Variants in SLC41A2 observed in about 807,000 individuals in gnomAD.
SLC41A2 encodes the protein SLC41A1-like 1.
A neutral mutation model predicts 58.3 loss-of-function variants in SLC41A2; 32 were observed. The observed-to-expected ratio is 0.55, with a 90% CI of 0.41 to 0.74. The LOEUF (loss-of-function observed/expected upper bound fraction) is 0.74. SLC41A2 is among the 30% of genes least tolerant of loss of function. The pLI, the probability that SLC41A2 is intolerant of heterozygous loss-of-function variation, is 0.00. For synonymous variants in SLC41A2, 190 were observed against 235.0 expected (o/e 0.81, Z 1.75); for missense variants, 514 against 680.6 (o/e 0.76, Z 2.72).
chr12:104,878,299 TTATATATATA>T (rs55670022), intron 6 of SLC41A2, among the ~76,000 whole-genome samples: 105 of 139,792 alleles, frequency 7.5e-4, no homozygotes, highest in Admixed American at 7.8e-4. Context: ...TACCTGTATT[TTATATATATA>T]TATATATATA....
At chr12:104,853,911 A>ATTATTATTATTTTTT in intron 8 of SLC41A2, among the ~76,000 whole-genome samples, 2,667 of 59,264 alleles carry the variant, frequency 0.045, 214 homozygotes, top group Non-Finnish European at 0.06. Context: ...TGCCTGGCTG[A>ATTATTATTATTTTTT]TTTTTTTTTT....
chr12:104,902,178 G>T (rs1201021920), intron 3 of SLC41A2, among the ~76,000 whole-genome samples: 1 of 89,452 alleles, frequency 1.1e-5, no homozygotes, highest in Non-Finnish European at 2.2e-5. Context: ...ACTGCTTTAA[G>T]TTAAAAAGAG....
intron 10 of SLC41A2, among the ~76,000 whole-genome samples, chr12:104,819,349 A>T (rs2041538143): frequency 6.6e-6 from 1 of 152,236 alleles, no homozygotes; most frequent in African/African-American, 2.4e-5. Flanking sequence ...ATGTATCAAA[A>T]TTGTAGAATG....
At chr12:104,901,790 T>C (rs2045577150) in intron 3 of SLC41A2, among the ~76,000 whole-genome samples, 1 of 152,210 alleles carries the variant, frequency 6.6e-6, no homozygotes, top group Non-Finnish European at 1.5e-5. Context: ...GAAATATCTT[T>C]TTATCTGTGA....
chr12:104,866,603 A>G lies in SLC41A2; in HGVS notation c.1028-24T>C, dbSNP rs545605310. 1,306 of 1,333,744 alleles carry G rather than the reference A, an allele frequency of 9.8e-4. 1 individual carries two copies. Among genetic ancestry groups the G allele is most frequent in the Non-Finnish European group, 1.2e-3 (1,155 of 984,410 alleles). 82.6% of individuals were successfully genotyped at this position (1,333,744 alleles called of 1,614,324 possible). A position where few individuals can be genotyped will look rare whatever the true frequency, so the allele number is the denominator to read the frequency against. The stretch of plus-strand genomic sequence containing the variant: ...CTCTAAAATTAAAAAAAAAAAAAAA[A>G]AGAGAGACAACATTTAAATCTCTCT... On this transcript the variant is annotated intron_variant, in intron 6 of 10. Coordinates refer to ENST00000258538, the MANE Select transcript of SLC41A2 (RefSeq NM_001352171.3).
Position 104,815,747 on chromosome 12 carries a change from AG to A in SLC41A2, c.1537-10411del, listed in dbSNP as rs2041371132. Among the ~76,000 whole-genome samples, 3 of 152,170 alleles carry A rather than the reference AG, an allele frequency of 2.0e-5. 1 individual carries two copies. Among genetic ancestry groups the A allele is most frequent in the Non-Finnish European group, 2.9e-5 (2 of 68,030 alleles). ...ATATGCTTCCCTAATCCAGGTTTCC[AG>A]GCTGGAAACCCTACTCATTAAAATC... On this transcript the variant is annotated intron_variant, in intron 10 of 10. Coordinates refer to ENST00000258538, the MANE Select transcript of SLC41A2 (RefSeq NM_001352171.3).
chr12:104,946,590 G>A (rs1379968597), intron 1 of SLC41A2, among the ~76,000 whole-genome samples: 1 of 152,042 alleles, frequency 6.6e-6, no homozygotes, highest in South Asian at 2.1e-4. Context: ...CATTTTAAAA[G>A]GAGAATACTA....
At chr12:104,882,808 C>A (rs185036319) in intron 6 of SLC41A2, among the ~76,000 whole-genome samples, 49 of 152,234 alleles carry the variant, frequency 3.2e-4, no homozygotes, top group African/African-American at 1.1e-3. Flanking sequence ...TGGGGTTGCT[C>A]TTCTCAAGGA....
chr12:104,876,000 T>C (rs1028504254), intron 6 of SLC41A2, among the ~76,000 whole-genome samples: 5 of 152,214 alleles, frequency 3.3e-5, no homozygotes, highest in Non-Finnish European at 7.3e-5. Flanking sequence ...TTTCTATTTG[T>C]TCCTCATTCA....
chr12:104,895,843 T>C (rs763532650), intron 3 of SLC41A2, among the ~76,000 whole-genome samples: 1 of 152,182 alleles, frequency 6.6e-6, no homozygotes, highest in Non-Finnish European at 1.5e-5. Flanking sequence ...ATTCATTGTT[T>C]ACAAATTAAT....
chr12:104,833,066 G>A (rs2042093406), intron 10 of SLC41A2, among the ~76,000 whole-genome samples: 1 of 152,184 alleles, frequency 6.6e-6, no homozygotes, highest in Non-Finnish European at 1.5e-5. Flanking sequence ...CAACAGAGTT[G>A]AATGTCTGGA....
At chr12:104,956,811 A>C (rs1448450164) in intron 1 of SLC41A2, among the ~76,000 whole-genome samples, 2 of 152,268 alleles carry the variant, frequency 1.3e-5, no homozygotes, top group Non-Finnish European at 2.9e-5. Flanking sequence ...GATGCTCAGC[A>C]TCCCCAATCA....
chr12:104,883,901 C>A (rs942557384), intron 6 of SLC41A2, among the ~76,000 whole-genome samples: 11 of 152,224 alleles, frequency 7.2e-5, no homozygotes, highest in Non-Finnish European at 1.6e-4. Context: ...TTTAAGTCCG[C>A]AGAAGTTTCT....
At chr12:104,822,242 T>C (rs899232978) in intron 10 of SLC41A2, among the ~76,000 whole-genome samples, 8 of 152,168 alleles carry the variant, frequency 5.3e-5, no homozygotes, top group Admixed American at 2.0e-4. Context: ...TTGATATCCA[T>C]AGAATATTAA....
At chr12:104,923,560 A>G (rs2046703407) in intron 2 of SLC41A2, among the ~76,000 whole-genome samples, 1 of 152,072 alleles carries the variant, frequency 6.6e-6, no homozygotes, top group Non-Finnish European at 1.5e-5. Context: ...AAAAGATAAA[A>G]TCAACAAACT....
chr12:104,923,588 A>C (rs2046704968), intron 2 of SLC41A2, among the ~76,000 whole-genome samples: 1 of 152,140 alleles, frequency 6.6e-6, no homozygotes, highest in South Asian at 2.1e-4. Context: ...AGACTATGAA[A>C]AAAAGAGAGA....
chr12:104,844,388 G>A (rs1373987056), intron 10 of SLC41A2, 84 bp downstream of exon 10: 2 of 898,088 alleles, frequency 2.2e-6, no homozygotes, highest in Admixed American at 3.1e-5. Flanking sequence ...ATGGTAAAAT[G>A]TGTCATGTGT....
At chr12:104,922,403 AAGAC>A (rs1402347102) in intron 2 of SLC41A2, among the ~76,000 whole-genome samples, 1 of 152,168 alleles carries the variant, frequency 6.6e-6, no homozygotes, top group African/African-American at 2.4e-5. Context: ...CTACAAATCA[AAGAC>A]AGTAAAAGAG....
chr12:104,932,124 C>T (rs7973570), intron 1 of SLC41A2, among the ~76,000 whole-genome samples: 1 of 152,000 alleles, frequency 6.6e-6, no homozygotes, highest in Non-Finnish European at 1.5e-5. Context: ...TTAATGAATA[C>T]TTATCAGTTA....
Sources: gnomAD v4.1 joint callset for allele counts (sites outside exome capture counted in the v4.1 genomes callset) on GRCh38, gnomAD v4.1.1 for gene constraint, MANE v1.5 for transcripts, NCBI Gene and HGNC (gene_info 2026-07-23, HGNC 2026-07-21) for gene names.